MIER1: variants seen among roughly 807,000 people sequenced by gnomAD.
The protein encoded by MIER1 is mesoderm induction early response protein 1.
MIER1 carries 40 observed loss-of-function variants against 75.7 expected under a neutral mutation model. The ratio of observed to expected loss-of-function variants is 0.53; its 90% confidence interval spans 0.41 to 0.69. The LOEUF is 0.69. MIER1 is among the 30% of genes least tolerant of loss of function. The pLI, the probability that MIER1 is intolerant of heterozygous loss-of-function variation, is 0.00. For missense variants in MIER1, 574 were observed against 680.2 expected, an observed-to-expected ratio of 0.84 and a Z score of 1.74; for synonymous variants, 213 against 223.4, an observed-to-expected ratio of 0.95 and a Z score of 0.42.
At chr1:66,971,591 A>T in intron 9 of MIER1, 64 bp from the exon 10 acceptor site, 1 of 825,834 alleles carries the variant, frequency 1.2e-6, no homozygotes, top group Non-Finnish European at 2.0e-6. Context: ...AAAAACTTTT[A>T]AGAAATTGTA....
chr1:66,940,712 A>G (rs2101285234), intron 3 of MIER1, among the ~76,000 whole-genome samples: 2 of 152,310 alleles, frequency 1.3e-5, no homozygotes, highest in South Asian at 4.1e-4. Flanking sequence ...GTGATCTTTA[A>G]GAATATTTTA....
intron 7 of MIER1, among the ~76,000 whole-genome samples, chr1:66,961,027 C>T (rs1661149891): frequency 6.6e-6 from 1 of 151,906 alleles, no homozygotes; most frequent in South Asian, 2.1e-4. Context: ...AACAAAAGCT[C>T]AGAGGTAGAA....
intron 4 of MIER1, among the ~76,000 whole-genome samples, chr1:66,949,681 C>T (rs985720512): frequency 2.6e-5 from 4 of 152,160 alleles, no homozygotes; most frequent in African/African-American, 9.7e-5. Context: ...AGGTTTGAAC[C>T]AAACAAAATT....
At chr1:66,952,825 T>C (rs1280933823) in intron 4 of MIER1, among the ~76,000 whole-genome samples, 1 of 152,120 alleles carries the variant, frequency 6.6e-6, no homozygotes, top group Non-Finnish European at 1.5e-5. Context: ...TTGTATTTTT[T>C]ACATGGACGG....
chr1:66,969,441 A>C (rs1663114260), intron 8 of MIER1, among the ~76,000 whole-genome samples: 1 of 145,808 alleles, frequency 6.9e-6, no homozygotes, highest in Non-Finnish European at 1.5e-5. Flanking sequence ...GCTACTCTGG[A>C]GGCTGAGGCA....
At chr1:66,930,190 G>T (rs1652774510) in intron 2 of MIER1, 4 of 1,360,942 alleles carry the variant, frequency 2.9e-6, no homozygotes, top group Admixed American at 4.0e-5. Flanking sequence ...CTCCAGTCCA[G>T]CCCAGCCGGG....
intron 8 of MIER1, among the ~76,000 whole-genome samples, chr1:66,963,447 T>C (rs1661661065): frequency 6.6e-6 from 1 of 152,224 alleles, no homozygotes; most frequent in Non-Finnish European, 1.5e-5. Flanking sequence ...TTTTTCCCCG[T>C]ATTTTCAGTG....
At chr1:66,974,935 G>A (rs576401055) in intron 11 of MIER1, among the ~76,000 whole-genome samples, 1 of 152,222 alleles carries the variant, frequency 6.6e-6, no homozygotes, top group Admixed American at 6.5e-5. Flanking sequence ...TTTCAGTAAA[G>A]TACAGTTGAC....
In MIER1 at chr1:66,981,949, TC is replaced by T. The variant is rs759353575; in HGVS notation, c.1369+32del. On this transcript the variant is annotated intron_variant, in intron 13 of 13. Transcript: ENST00000401041. ...CAACCAGAGAAACATTTCTCTTTCT[TC>T]ATAATAAGGGACACTTTCTTGCAGT... The T allele has an allele frequency of 3.7e-6, 6 of 1,610,640 alleles. No homozygotes were observed. The East Asian group carries it at 1.3e-4, about 36-fold the overall frequency.
At chr1:66,977,113 C>A (rs938362543) in intron 12 of MIER1, among the ~76,000 whole-genome samples, 1 of 144,062 alleles carries the variant, frequency 6.9e-6, no homozygotes, top group South Asian at 2.2e-4. Context: ...TTTTAATCTT[C>A]TTTTTTTTTT....
intron 7 of MIER1, chr1:66,960,017 G>A (rs573537049): frequency 9.7e-6 from 2 of 207,242 alleles, no homozygotes; most frequent in East Asian, 1.1e-4. Flanking sequence ...CCAGGAGTTC[G>A]AGACCAGCCT....
intron 3 of MIER1, among the ~76,000 whole-genome samples, chr1:66,944,189 C>T (rs952491739): frequency 1.3e-5 from 2 of 151,998 alleles, no homozygotes; most frequent in African/African-American, 2.4e-5. Flanking sequence ...TCATAATAGT[C>T]GGATTTTCAA....
Position 66,984,590 on chromosome 1 carries a change from C to T in MIER1, c.1388C>T (p.Pro463Leu), listed in dbSNP as rs1666517620. The T allele has an allele frequency of 1.9e-6, 3 of 1,595,874 alleles. No homozygotes were observed. The highest frequency in any genetic ancestry group is 1.1e-5 in the South Asian group (1 of 87,092). Reference sequence around the variant, plus strand: ...AACTTAGGAGTGTCATCTAATGGACCAGGTGAAATATTAAACAAAGAGGAA... The same window carrying T: ...AACTTAGGAGTGTCATCTAATGGACTAGGTGAAATATTAAACAAAGAGGAA... ...ANQNGVSSNG[P>L]GEILNKEEVK... Residue 463 changes from proline to leucine, a missense_variant, in exon 14 of 14, where the codon CCA (proline) becomes CTA (leucine). Around this residue, in one of 3 missense-constraint regions of MIER1, gnomAD observed 164 missense variants for 154.3 expected, o/e 1.06. Coordinates refer to ENST00000401041, the MANE Select transcript of MIER1 (RefSeq NM_001077700.3).
intron 12 of MIER1, among the ~76,000 whole-genome samples, chr1:66,979,046 TAGGC>T (rs1015642194): frequency 1.3e-5 from 2 of 152,174 alleles, no homozygotes; most frequent in African/African-American, 4.8e-5. Flanking sequence ...TTTTTTCCCT[TAGGC>T]AGGAATACCA....
At chr1:66,930,293 C>G (rs1398299742) in intron 2 of MIER1, 2 of 1,555,088 alleles carry the variant, frequency 1.3e-6, no homozygotes, top group South Asian at 1.2e-5. Flanking sequence ...GCGGCAGAGA[C>G]GGCAGCGGCC....
Position 66,930,523 on chromosome 1 carries a change from G to T in MIER1, c.168+4281G>T, listed in dbSNP as rs997049620. ...CTGCTGGCGCCGCTGCCCACCTGTT[G>T]TCCGGAACAGGCCATTCTCTGGGCG... On this transcript the variant is annotated intron_variant, in intron 2 of 13. Coordinates refer to ENST00000401041, the MANE Select transcript of MIER1 (RefSeq NM_001077700.3). The T allele has an allele frequency of 5.9e-6, 6 of 1,024,898 alleles. No individual in the cohort carries two copies. The Admixed American group carries it at 8.8e-5, about 15-fold the overall frequency. 63.5% of individuals were successfully genotyped at this position (1,024,898 alleles called of 1,614,324 possible). A position where few individuals can be genotyped will look rare whatever the true frequency, so the allele number is the denominator to read the frequency against.
chr1:66,985,184 A>G lies in MIER1; in HGVS notation c.*284A>G. On this transcript the variant is annotated 3_prime_UTR_variant, in exon 14 of 14. Transcript: ENST00000401041. The stretch of plus-strand genomic sequence containing the variant: ...TATCTTTAGTTCATTCAGATTTACT[A>G]ATTTTGGTAAATCTGAATGAACTAA... The G allele has an allele frequency of 1.0e-6, 1 of 981,950 alleles. No homozygotes were observed. The highest frequency in any genetic ancestry group is 4.6e-5 in the South Asian group (1 of 21,750). The allele number at this position is 981,950 out of a possible 1,614,324, so 60.8% of individuals were successfully genotyped here.
chr1:66,970,879 A>G lies in MIER1; in HGVS notation c.844A>G (p.Lys282Glu). ...LPEDKVIIFL[K>E]DASRRTGDEK... is the part of the protein sequence containing the mutation. ...AGAAGATAAAGTGATTATATTTCTT[A>G]AAGATGCATCTAGAAGAACAGGTGA... The change falls in exon 9 of 14, where the codon AAA becomes GAA. Residue 282 changes from lysine (K) to glutamate (E), a missense_variant. Transcript: ENST00000401041. The G allele has an allele frequency of 6.3e-7, 1 of 1,598,070 alleles. No homozygotes were observed. The highest frequency in any genetic ancestry group is 8.5e-7 in the Non-Finnish European group (1 of 1,173,970).
chr1:66,975,538 AAAAG>A (rs145267594), intron 11 of MIER1, among the ~76,000 whole-genome samples: 32,835 of 151,670 alleles, frequency 0.22, 3,876 homozygotes, highest in Non-Finnish European at 0.25. Context: ...AAAAAAAAGA[AAAAG>A]AAAGGAAAAA....
Sources: gnomAD v4.1 joint callset for allele counts (sites outside exome capture counted in the v4.1 genomes callset) on GRCh38, gnomAD v4.1.1 for gene constraint, gnomAD v4.1.1 regional missense constraint, MANE v1.5 for transcripts, NCBI Gene and HGNC (gene_info 2026-07-23, HGNC 2026-07-21) for gene names.